PLXDC2: variants seen among roughly 807,000 people sequenced by gnomAD.
The protein encoded by PLXDC2 is plexin domain-containing protein 2.
Under a neutral mutation model 68.9 loss-of-function variants are expected in PLXDC2, and 40 were observed. The ratio of observed to expected loss-of-function variants is 0.58; its 90% CI spans 0.45 to 0.76. The LOEUF (loss-of-function observed/expected upper bound fraction) is 0.76, where lower values mean the gene tolerates loss of function less well. PLXDC2 is among the 30% of genes least tolerant of loss of function. PLXDC2 has a pLI of 0.00. For synonymous variants in PLXDC2, 243 were observed against 234.2 expected (o/e 1.04, Z -0.34); for missense variants, 644 against 661.9 (o/e 0.97, Z 0.30).
At chr10:19,967,763 A>G (rs1283006720) in intron 1 of PLXDC2, among the ~76,000 whole-genome samples, 1 of 152,188 alleles carries the variant, frequency 6.6e-6, no homozygotes, top group Non-Finnish European at 1.5e-5. Flanking sequence ...AAACAGTAAA[A>G]AATCAGATCA....
At chr10:20,152,625 T>C (rs1314472398) in intron 6 of PLXDC2, among the ~76,000 whole-genome samples, 2 of 152,180 alleles carry the variant, frequency 1.3e-5, no homozygotes, top group African/African-American at 2.4e-5. Context: ...AGTTGTTTTT[T>C]AGACAGATTT....
At chr10:19,826,485 T>A (rs944094087) in intron 1 of PLXDC2, among the ~76,000 whole-genome samples, 1 of 152,112 alleles carries the variant, frequency 6.6e-6, no homozygotes, top group African/African-American at 2.4e-5. Context: ...ACAAGAAAAA[T>A]TTGAAGAATA....
At chr10:19,992,058 C>CA (rs1834760075) in intron 1 of PLXDC2, among the ~76,000 whole-genome samples, 1 of 152,142 alleles carries the variant, frequency 6.6e-6, no homozygotes, top group Admixed American at 6.5e-5. Flanking sequence ...AGTGTTTTAC[C>CA]AAGTGGTTTT....
intron 1 of PLXDC2, among the ~76,000 whole-genome samples, chr10:19,886,061 G>A (rs1837840797): frequency 6.6e-6 from 1 of 152,008 alleles, no homozygotes; most frequent in Admixed American, 6.6e-5. Flanking sequence ...CCTTGAAGAG[G>A]TCCTTCACAT....
intron 12 of PLXDC2, among the ~76,000 whole-genome samples, chr10:20,224,788 C>T (rs1001471422): frequency 1.3e-5 from 2 of 152,162 alleles, no homozygotes; most frequent in African/African-American, 4.8e-5. Flanking sequence ...TCTCTTGGTT[C>T]ATTTAAAGTT....
chr10:20,162,389 C>A (rs1321190320), intron 6 of PLXDC2, among the ~76,000 whole-genome samples: 1 of 152,128 alleles, frequency 6.6e-6, no homozygotes, highest in East Asian at 1.9e-4. Flanking sequence ...CAATAAATTA[C>A]CACAGAATCA....
intron 2 of PLXDC2, among the ~76,000 whole-genome samples, chr10:20,035,811 G>A (rs1835567913): frequency 6.6e-6 from 1 of 152,178 alleles, no homozygotes; most frequent in South Asian, 2.1e-4. Flanking sequence ...GTCACAAGCT[G>A]GTAGAAAGAA....
intron 2 of PLXDC2, among the ~76,000 whole-genome samples, chr10:20,039,080 G>A (rs1270542007): frequency 6.6e-6 from 1 of 152,198 alleles, no homozygotes; most frequent in Non-Finnish European, 1.5e-5. Context: ...CCAAGCCAGT[G>A]AGAACTAGAG....
chr10:20,010,199 G>T (rs959825524), intron 2 of PLXDC2, among the ~76,000 whole-genome samples: 2 of 152,094 alleles, frequency 1.3e-5, no homozygotes, highest in South Asian at 4.1e-4. Context: ...GTTGAGAATC[G>T]GCCTTGTTTC....
intron 4 of PLXDC2, among the ~76,000 whole-genome samples, chr10:20,081,903 G>A (rs1409104864): frequency 6.6e-6 from 1 of 151,566 alleles, no homozygotes; most frequent in African/African-American, 2.4e-5. Context: ...AAATTAGCTG[G>A]GCATGGTGGC....
At chr10:20,164,627 A>G in intron 7 of PLXDC2, 60 bp downstream of exon 7, 1 of 1,296,178 alleles carries the variant, frequency 7.7e-7, no homozygotes, top group Non-Finnish European at 1.1e-6. Flanking sequence ...TTTAAAGGAG[A>G]TTGGTCTATG....
chr10:20,255,791 C>T (rs566347846), intron 13 of PLXDC2, among the ~76,000 whole-genome samples: 4 of 151,992 alleles, frequency 2.6e-5, no homozygotes, highest in South Asian at 2.1e-4. Flanking sequence ...TGGTAGTAAT[C>T]GTGCTTTTTG....
At chr10:19,890,310 G>T (rs919084546) in intron 1 of PLXDC2, among the ~76,000 whole-genome samples, 1 of 152,096 alleles carries the variant, frequency 6.6e-6, no homozygotes, top group African/African-American at 2.4e-5. Flanking sequence ...TGTACTGTGT[G>T]TGATGCTGAG....
intron 12 of PLXDC2, among the ~76,000 whole-genome samples, chr10:20,225,267 G>A (rs1233559294): frequency 2.0e-5 from 3 of 152,096 alleles, no homozygotes; most frequent in Non-Finnish European, 4.4e-5. Context: ...AGTCTGTAGT[G>A]ATAGATCAAG....
chr10:20,160,749 TG>T (rs939787167), intron 6 of PLXDC2, among the ~76,000 whole-genome samples: 1 of 152,046 alleles, frequency 6.6e-6, no homozygotes, highest in African/African-American at 2.4e-5. Flanking sequence ...GACAGAAGAA[TG>T]AAAAAAAAAT....
At chr10:19,998,774 G>C (rs1055683424) in intron 1 of PLXDC2, among the ~76,000 whole-genome samples, 5 of 150,682 alleles carry the variant, frequency 3.3e-5, no homozygotes, top group African/African-American at 1.2e-4. Flanking sequence ...CAGCAAGCGA[G>C]AGATACAAAA....
chr10:20,273,444 C>T (rs1835964636), intron 13 of PLXDC2, among the ~76,000 whole-genome samples: 1 of 152,096 alleles, frequency 6.6e-6, no homozygotes, highest in African/African-American at 2.4e-5. Flanking sequence ...TGTCAGATAG[C>T]TTCAATACTC....
intron 6 of PLXDC2, among the ~76,000 whole-genome samples, chr10:20,163,428 T>C (rs897335106): frequency 2.0e-4 from 30 of 152,080 alleles, no homozygotes; most frequent in African/African-American, 7.2e-4. Context: ...ATATTATATA[T>C]TCTCTCCCAC....
At chr10:20,035,159 T>G (rs550158833) in intron 2 of PLXDC2, among the ~76,000 whole-genome samples, 1 of 152,148 alleles carries the variant, frequency 6.6e-6, no homozygotes, top group Non-Finnish European at 1.5e-5. Flanking sequence ...AAAGTTATCT[T>G]TATTTGCAAA....
Sources: gnomAD v4.1 joint callset for allele counts (sites outside exome capture counted in the v4.1 genomes callset) on GRCh38, gnomAD v4.1.1 for gene constraint, MANE v1.5 for transcripts, NCBI Gene and HGNC (gene_info 2026-07-23, HGNC 2026-07-21) for gene names.